ZMYND15: variants seen among roughly 807,000 people sequenced by gnomAD.
ZMYND15 encodes zinc finger MYND domain-containing protein 15.
ZMYND15 carries 54 observed loss-of-function variants against 81.7 expected under a neutral mutation model. The observed-to-expected ratio is 0.66, with a 90% CI of 0.53 to 0.83. The LOEUF (loss-of-function observed/expected upper bound fraction) is 0.83, where lower values mean the gene tolerates loss of function less well. Among genes scored for constraint, ZMYND15 ranks in the 40% least tolerant of loss-of-function variants. ZMYND15 has a pLI of 0.00. For missense variants in ZMYND15, 925 were observed against 973.5 expected (o/e 0.95, Z 0.66); for synonymous variants, 399 against 387.0 (o/e 1.03, Z -0.36).
At chr17:4,740,075 G>A in intron 1 of ZMYND15, 25 bp downstream of exon 1, 1 of 986,324 alleles carries the variant, frequency 1.0e-6, no homozygotes, top group South Asian at 4.7e-5. Flanking sequence ...GGGCGGCCGG[G>A]AGGGGCTAGG....
At chr17:4,741,380 C>T (rs1430476367) in intron 2 of ZMYND15, among the ~76,000 whole-genome samples, 1 of 152,094 alleles carries the variant, frequency 6.6e-6, no homozygotes, top group Non-Finnish European at 1.5e-5. Flanking sequence ...TGACAGTGGG[C>T]CTACATTTCT....
Position 4,743,553 on chromosome 17 carries a change from A to T in ZMYND15, c.1297+98A>T. ...AGATGATCCCTCCACATACACACTG[A>T]CCCCTACCAACAGCACCAGGGCCAT... On this transcript the variant is annotated intron_variant, in intron 6 of 13. Transcript: ENST00000433935. The surrounding 1 kb of genome is among the most constrained non-coding windows in gnomAD (Gnocchi z 4.3). The T allele has an allele frequency of 1.3e-6, 2 of 1,514,578 alleles. No individual in the cohort carries two copies. The highest frequency in any genetic ancestry group is 1.8e-6 in the Non-Finnish European group (2 of 1,124,142). The allele number at this position is 1,514,578 out of a possible 1,614,324, so 93.8% of individuals were successfully genotyped here.
chr17:4,740,884 G>C lies in ZMYND15; in HGVS notation c.336G>C (p.Gly112=). The C allele has an allele frequency of 6.3e-7, 1 of 1,578,298 alleles. No individual in the cohort carries two copies. The highest frequency in any genetic ancestry group is 8.6e-7 in the Non-Finnish European group (1 of 1,159,810). The change falls in exon 2 of 14, where the codon GGG becomes GGC. Residue 112 remains glycine (G), a synonymous_variant. Transcript: ENST00000433935. The part of the protein sequence containing the change: ...PYISFVSLED[G]EEGEEEEEED... ...TCAGCTTTGTCAGCCTAGAGGATGG[G>C]GAGGAAGGGGAGGAGGAAGAGGAGG...
At position 4,742,337 on chromosome 17, in the gene ZMYND15, G is replaced by A; in HGVS notation, c.990G>A (p.Gln330=). 1 of 1,613,982 alleles carries A rather than the reference G, an allele frequency of 6.2e-7. No individual in the cohort carries two copies. The highest frequency in any genetic ancestry group is 8.5e-7 in the Non-Finnish European group (1 of 1,179,896). ...CCACCCGCTGTGTCCCCAGCCCCCAGTGTAGTGCTGTCTTGTATTGTGGAG... is the reference window on the plus strand; with the variant it reads ...CCACCCGCTGTGTCCCCAGCCCCCAATGTAGTGCTGTCTTGTATTGTGGAG... The part of the protein sequence containing the change: ...SFEAKLTPCP[Q]CSAVLYCGEA... The change falls in exon 5 of 14, where the codon CAG becomes CAA. Residue 330 remains glutamine (Q), a synonymous_variant. Transcript: ENST00000433935.
Position 4,745,122 on chromosome 17 carries a change from C to A in ZMYND15, c.1897-93C>A. ...CCCTGCTCCCCTCCGCCCGGTCTGT[C>A]CGGGGACCTCGGCTTTCAGCCCGGT... On this transcript the variant is annotated intron_variant, in intron 12 of 13. Coordinates refer to ENST00000433935, the MANE Select transcript of ZMYND15 (RefSeq NM_001136046.3). The surrounding 1 kb of genome is among the most constrained non-coding windows in gnomAD (Gnocchi z 5.2). 1 of 1,602,500 alleles carries A rather than the reference C, an allele frequency of 6.2e-7. No homozygotes were observed. Among genetic ancestry groups the A allele is most frequent in the African/African-American group, 1.3e-5 (1 of 74,856 alleles).
Position 4,744,343 on chromosome 17 carries a change from G to C in ZMYND15, c.1585-26G>C, listed in dbSNP as rs192922394. ...GGGGGTGGGCACAGGGTAGACCCCAGATCTTTCTTTCTTTCTGTCCTTCAG... is the reference window on the plus strand; with the variant it reads ...GGGGGTGGGCACAGGGTAGACCCCACATCTTTCTTTCTTTCTGTCCTTCAG... On this transcript the variant is annotated intron_variant, in intron 9 of 13. Coordinates refer to ENST00000433935, the MANE Select transcript of ZMYND15 (RefSeq NM_001136046.3). The surrounding 1 kb of genome is among the most constrained non-coding windows in gnomAD (Gnocchi z 4.1). 6.2e-7 allele frequency: 1 copy of C among 1,613,756 alleles called. No individual in the cohort carries two copies. Among genetic ancestry groups the C allele is most frequent in the Non-Finnish European group, 8.5e-7 (1 of 1,179,676 alleles).
At chr17:4,741,532 A>G (rs1916412608) in intron 2 of ZMYND15, 50 bp from the exon 3 acceptor site, 4 of 1,603,644 alleles carry the variant, frequency 2.5e-6, no homozygotes, top group South Asian at 1.1e-5. Context: ...CCCTGACCAC[A>G]TTTGTCTCTC....
In ZMYND15 at chr17:4,745,351, G is replaced by C; in HGVS notation, c.2033G>C (p.Arg678Thr). ...CCCTTCCGCTCCCCCTTTCGCCTCA[G>C]AGCGGCCGACAACTGCATGTCCTGG... ...PNPFRSPFRL[R>T]AADNCMSWYC... Residue 678 changes from arginine (R) to threonine (T), a missense_variant, in exon 13 of 14, where the codon AGA becomes ACA. Coordinates refer to ENST00000433935, the MANE Select transcript of ZMYND15 (RefSeq NM_001136046.3). The surrounding 1 kb of genome is among the most constrained non-coding windows in gnomAD (Gnocchi z 5.2). 6.2e-7 allele frequency: 1 copy of C among 1,608,776 alleles called. No homozygotes were observed. The highest frequency in any genetic ancestry group is 8.5e-7 in the Non-Finnish European group (1 of 1,177,826).
At position 4,740,508 on chromosome 17, in the gene ZMYND15, C is replaced by G. The variant is rs757826463; in HGVS notation, c.-30-11C>G. On this transcript the variant is annotated splice_polypyrimidine_tract_variant and intron_variant, in intron 1 of 13. Coordinates refer to ENST00000433935, the MANE Select transcript of ZMYND15 (RefSeq NM_001136046.3). Reference sequence around the variant, plus strand: ...TCCTGTCCCTCACCATATATCCCTTCTTTTGCTCAGTCTGGGCCGGGGCCC... The same window carrying G: ...TCCTGTCCCTCACCATATATCCCTTGTTTTGCTCAGTCTGGGCCGGGGCCC... 9.8e-6 allele frequency: 15 copies of G among 1,533,728 alleles called. No individual in the cohort carries two copies. Among genetic ancestry groups the G allele is most frequent in the South Asian group, 1.3e-5 (1 of 79,068 alleles).
chr17:4,745,455 C>G lies in ZMYND15; in HGVS notation c.2057+80C>G, dbSNP rs1916622211. The G allele has an allele frequency of 6.7e-7, 1 of 1,501,334 alleles. No individual in the cohort carries two copies. The highest frequency in any genetic ancestry group is 1.4e-5 in the African/African-American group (1 of 71,480). 93.0% of individuals were successfully genotyped at this position (1,501,334 alleles called of 1,614,324 possible). A position where few individuals can be genotyped will look rare whatever the true frequency, so the allele number is the denominator to read the frequency against. ...GCTCCACATCCTCGAAGGCCCACCT[C>G]TACCCTAGTCCCTGCTGTCCTGGGG... On this transcript the variant is annotated intron_variant, in intron 13 of 13. Coordinates refer to ENST00000433935, the MANE Select transcript of ZMYND15 (RefSeq NM_001136046.3). The surrounding 1 kb of genome is among the most constrained non-coding windows in gnomAD (Gnocchi z 5.2).
chr17:4,740,136 T>G (rs1312340105), intron 1 of ZMYND15, 86 bp downstream of exon 1: 21 of 937,112 alleles, frequency 2.2e-5, no homozygotes, highest in Non-Finnish European at 2.7e-5. Flanking sequence ...ACCCCCTCGC[T>G]CCCACTCCCA....
intron 1 of ZMYND15, 124 bp downstream of exon 1, chr17:4,740,174 C>G: frequency 1.4e-6 from 1 of 735,616 alleles, no homozygotes; most frequent in Non-Finnish European, 1.7e-6. Context: ...CAAAATGCTT[C>G]CCTCCCCACC....
rs763741097 is a variant in ZMYND15, at chr17:4,743,944, G to A, written c.1379-47G>A. On this transcript the variant is annotated intron_variant, in intron 7 of 13. Coordinates refer to ENST00000433935, the MANE Select transcript of ZMYND15 (RefSeq NM_001136046.3). The surrounding 1 kb of genome is among the most constrained non-coding windows in gnomAD (Gnocchi z 4.3). ...GAAGAAGAGGTTTGTTAGACTAGAG[G>A]GGGTGGGGGTCCAGGGCCAGGTCCT... 3.2e-6 allele frequency: 5 copies of A among 1,561,294 alleles called. No homozygotes were observed. In the Admixed American group the frequency reaches 9.6e-5, roughly 30 times the overall value.
At position 4,745,388 on chromosome 17, in the gene ZMYND15, G is replaced by A. The variant is rs767919861; in HGVS notation, c.2057+13G>A. Reference sequence around the variant, plus strand: ...ACTGCATGTCCTGGTAAGGGTCTGCGACCCTATTTCCTTCCTGACCCTTAA... The same window carrying A: ...ACTGCATGTCCTGGTAAGGGTCTGCAACCCTATTTCCTTCCTGACCCTTAA... On this transcript the variant is annotated intron_variant, in intron 13 of 13. Coordinates refer to ENST00000433935, the MANE Select transcript of ZMYND15 (RefSeq NM_001136046.3). The surrounding 1 kb of genome is among the most constrained non-coding windows in gnomAD (Gnocchi z 5.2). 14 of 1,583,204 alleles carry A rather than the reference G, an allele frequency of 8.8e-6. No individual in the cohort carries two copies. The highest frequency in any genetic ancestry group is 1.1e-5 in the Non-Finnish European group (13 of 1,166,532).
Position 4,742,059 on chromosome 17 carries a change from G to A in ZMYND15, c.972G>A (p.Lys324=). 6.2e-7 allele frequency: 1 copy of A among 1,614,176 alleles called. No individual in the cohort carries two copies. Residue 324 remains lysine (K), a synonymous_variant, in exon 4 of 14, where the codon AAG becomes AAA. Coordinates refer to ENST00000433935, the MANE Select transcript of ZMYND15 (RefSeq NM_001136046.3). ...GTCACAGGCACAGCTTTGAAGCGAA[G>A]CTGACACCTTGGTGAGCAGCCCCAA... ...HVCHRHSFEA[K]LTPCPQCSAV...
In ZMYND15 at chr17:4,744,509, C is replaced by T; in HGVS notation, c.1683+42C>T. On this transcript the variant is annotated intron_variant, in intron 10 of 13. Coordinates refer to ENST00000433935, the MANE Select transcript of ZMYND15 (RefSeq NM_001136046.3). This position sits in a 1 kb window ranked among gnomAD's most constrained non-coding sequence, Gnocchi z 4.1. ...CCCTGCTTTTCAGCCCTGACCCCTC[C>T]AGTGACCTCCTGGTTGGGTCCTGCC... 2 of 1,612,152 alleles carry T rather than the reference C, an allele frequency of 1.2e-6. No individual in the cohort carries two copies. The highest frequency in any genetic ancestry group is 1.7e-6 in the Non-Finnish European group (2 of 1,178,510).
In ZMYND15 at chr17:4,743,421, A is replaced by G. The variant is rs771234900; in HGVS notation, c.1263A>G (p.Arg421=). The G allele has an allele frequency of 6.2e-7, 1 of 1,609,144 alleles. No individual in the cohort carries two copies. Among genetic ancestry groups the G allele is most frequent in the South Asian group, 1.1e-5 (1 of 91,030 alleles). Residue 421 remains arginine (R), a synonymous_variant, in exon 6 of 14, where the codon CGA becomes CGG. Transcript: ENST00000433935. This position sits in a 1 kb window ranked among gnomAD's most constrained non-coding sequence, Gnocchi z 4.3. ...GCCCGGGCTTCTCCAGACACCCCCG[A>G]GGCAACACGCCATCCCTCAGCCTTC... is the stretch of plus-strand genomic sequence containing the variant. ...IPGPGFSRHP[R]GNTPSLSLLR... is the part of the protein sequence containing the mutation.
rs1335196498 is a variant in ZMYND15, at chr17:4,744,661, A to G, written c.1720A>G (p.Ile574Val). The G allele has an allele frequency of 5.6e-6, 9 of 1,613,418 alleles. No homozygotes were observed. The highest frequency in any genetic ancestry group is 7.6e-6 in the Non-Finnish European group (9 of 1,179,984). Residue 574 changes from isoleucine to valine, a missense_variant, in exon 11 of 14, where the codon ATA becomes GTA. Physicochemically the swap from Ile to Val is conservative, Grantham distance 29. Transcript: ENST00000433935. This position sits in a 1 kb window ranked among gnomAD's most constrained non-coding sequence, Gnocchi z 4.1. ...LEVSVRPGSG[I>V]SARPSSGTKE... ...GGTGTCTGTCCGGCCTGGTTCCGGCATATCAGCACGGCCCAGCTCTGGCAC... is the reference window on the plus strand; with the variant it reads ...GGTGTCTGTCCGGCCTGGTTCCGGCGTATCAGCACGGCCCAGCTCTGGCAC...
intron 1 of ZMYND15, 125 bp from the exon 2 acceptor site, chr17:4,740,394 C>A (rs78760345): frequency 7.4e-7 from 1 of 1,354,840 alleles, no homozygotes; most frequent in Non-Finnish European, 9.5e-7. Context: ...TTCTCCGCTC[C>A]TAGCATATCC....
Sources: allele counts gnomAD v4.1 joint callset (sites outside exome capture counted in the v4.1 genomes callset), GRCh38; gene constraint gnomAD v4.1.1; non-coding constraint Gnocchi (gnomAD v3.1); transcripts MANE v1.5; gene names NCBI Gene and HGNC (gene_info 2026-07-23, HGNC 2026-07-21).